The following NPL variants were observed in gnomAD, a reference collection of about 807,000 sequenced individuals.
NPL encodes the protein N-acetylneuraminate lyase.
NPL carries 32 observed loss-of-function variants against 41.1 expected under a neutral mutation model. That is an observed-to-expected ratio of 0.78 (90% CI 0.59 to 1.05). The LOEUF (loss-of-function observed/expected upper bound fraction) is 1.05. Among genes scored for constraint, NPL ranks in the 50% least tolerant of loss-of-function variants. The probability of loss-of-function intolerance (pLI) is 0.00; values close to 1 mark genes in which losing one functional copy is unlikely to be tolerated. For missense variants in NPL, 321 were observed against 378.4 expected, an observed-to-expected ratio of 0.85 and a Z score of 1.26; for synonymous variants, 128 against 134.9, an observed-to-expected ratio of 0.95 and a Z score of 0.35.
intron 3 of NPL, among the ~76,000 whole-genome samples, chr1:182,796,770 C>T (rs1666680856): frequency 6.6e-6 from 1 of 152,156 alleles, no homozygotes; most frequent in South Asian, 2.1e-4. Context: ...GGCACGGTGG[C>T]TCATGCCTGT....
At chr1:182,816,252 G>A (rs116069066) in intron 7 of NPL, among the ~76,000 whole-genome samples, 3,372 of 152,302 alleles carry the variant, frequency 0.022, 56 homozygotes, top group Middle Eastern at 0.088. Context: ...CTTGCAAAAT[G>A]TGCCACTACT....
At chr1:182,818,929 T>C in intron 10 of NPL, 70 bp downstream of exon 10, 5 of 1,280,600 alleles carry the variant, frequency 3.9e-6, no homozygotes, top group Non-Finnish European at 5.7e-6. Flanking sequence ...AAAGTAGCTG[T>C]ATTTCTTGCA....
rs561202793 is a variant in NPL at position 182,805,793 on chromosome 1, G to A, written c.143-352G>A. Among the ~76,000 whole-genome samples the A allele has an allele frequency of 2.6e-5, 4 of 152,182 alleles. No homozygotes were observed. In the East Asian group the frequency reaches 7.7e-4, roughly 29 times the overall value. ...TAACTCCCACTTATTTGACATCCTGGTACTAGATAGTGTTGATTTCCCTGC... is the reference window on the plus strand; with the variant it reads ...TAACTCCCACTTATTTGACATCCTGATACTAGATAGTGTTGATTTCCCTGC... On this transcript the variant is annotated intron_variant, in intron 4 of 12. Transcript: ENST00000367553.
intron 3 of NPL, among the ~76,000 whole-genome samples, chr1:182,803,367 A>G (rs1270287686): frequency 6.6e-6 from 1 of 152,240 alleles, no homozygotes; most frequent in East Asian, 1.9e-4. Flanking sequence ...ATGTGTGGCC[A>G]TATGGACTTT....
rs1667682892 is a variant in NPL, at chr1:182,828,301, C to T, written c.779-423C>T. Among the ~76,000 whole-genome samples the T allele has an allele frequency of 6.6e-6, 1 of 152,194 alleles. No individual in the cohort carries two copies. Among genetic ancestry groups the T allele is most frequent in the Non-Finnish European group, 1.5e-5 (1 of 68,046 alleles). Reference sequence around the variant, plus strand: ...TAAGTACTGCATTTCTTAGGGACTTCCTAAATAAGCTTAAACTAAATTTCA... The same window carrying T: ...TAAGTACTGCATTTCTTAGGGACTTTCTAAATAAGCTTAAACTAAATTTCA... On this transcript the variant is annotated intron_variant, in intron 12 of 12. Transcript: ENST00000367553. This position sits in a 1 kb window ranked among gnomAD's most constrained non-coding sequence, Gnocchi z 4.0.
intron 3 of NPL, among the ~76,000 whole-genome samples, chr1:182,799,247 C>T (rs552820902): frequency 3.3e-5 from 5 of 152,166 alleles, no homozygotes; most frequent in African/African-American, 1.2e-4. Context: ...GACTTTCTTC[C>T]GCTTATGTAG....
Position 182,816,778 on chromosome 1 carries a change from T to C in NPL, c.429T>C (p.Tyr143=). ...CCCCTGCCCTGCCATTTTATTACTA[T>C]CACATTCCTGCCTTGACAGGGGTAA... The part of the protein sequence containing the change: ...AAAPALPFYY[Y]HIPALTGVKI... Residue 143 remains tyrosine, a synonymous_variant, in exon 8 of 13, where the codon TAT becomes TAC. Coordinates refer to ENST00000367553, the MANE Select transcript of NPL (RefSeq NM_030769.3). 1 of 1,613,684 alleles carries C rather than the reference T, an allele frequency of 6.2e-7. No individual in the cohort carries two copies. The highest frequency in any genetic ancestry group is 8.5e-7 in the Non-Finnish European group (1 of 1,179,718).
chr1:182,818,546 G>C lies in NPL; in HGVS notation c.463G>C (p.Ala155Pro). The change falls in exon 9 of 13, where the codon GCT becomes CCT. Residue 155 changes from alanine (A) to proline (P), a missense_variant. Coordinates refer to ENST00000367553, the MANE Select transcript of NPL (RefSeq NM_030769.3). ...GCACTTATTATTTTGAGCAGTTCGT[G>C]CTGAGGAGTTGTTGGATGGGATTCT... The part of the protein sequence containing the change: ...IPALTGVKIR[A>P]EELLDGILDK... 1 of 1,614,082 alleles carries C rather than the reference G, an allele frequency of 6.2e-7. No individual in the cohort carries two copies. The highest frequency in any genetic ancestry group is 8.5e-7 in the Non-Finnish European group (1 of 1,180,036).
chr1:182,818,883 G>A, intron 10 of NPL, 24 bp downstream of exon 10: 1 of 1,611,526 alleles, frequency 6.2e-7, no homozygotes, highest in Non-Finnish European at 8.5e-7. Context: ...ATTTTTCCCA[G>A]TGGTTATAAA....
At chr1:182,819,056 C>T (rs1443374169) in intron 10 of NPL, among the ~76,000 whole-genome samples, 197 bp downstream of exon 10, 4 of 151,976 alleles carry the variant, frequency 2.6e-5, no homozygotes, top group Non-Finnish European at 4.4e-5. Context: ...CATGGTGGCT[C>T]AGCCTGTAAT....
At chr1:182,798,233 C>CT (rs58974453) in intron 3 of NPL, among the ~76,000 whole-genome samples, 8,787 of 129,982 alleles carry the variant, frequency 0.068, 641 homozygotes, top group African/African-American at 0.18. Flanking sequence ...GAAAGACTTG[C>CT]TTTTTTTTTT....
At chr1:182,807,458 T>G (rs192439452) in intron 5 of NPL, among the ~76,000 whole-genome samples, 2 of 152,168 alleles carry the variant, frequency 1.3e-5, no homozygotes, top group Admixed American at 6.5e-5. Flanking sequence ...CAAATTTGAG[T>G]GCATATCCAC....
chr1:182,820,757 G>A (rs1667467127), intron 10 of NPL, among the ~76,000 whole-genome samples: 1 of 152,154 alleles, frequency 6.6e-6, no homozygotes, highest in South Asian at 2.1e-4. Flanking sequence ...GCACAAAGGA[G>A]GATGTGTTAA....
intron 12 of NPL, chr1:182,826,364 A>G (rs1228677713): frequency 6.4e-6 from 1 of 156,484 alleles, no homozygotes; most frequent in Admixed American, 6.2e-5. Flanking sequence ...TAAATCTTCT[A>G]TAACAAATGA....
chr1:182,807,359 G>A (rs1349975999), intron 5 of NPL, among the ~76,000 whole-genome samples: 2 of 152,172 alleles, frequency 1.3e-5, no homozygotes, highest in African/African-American at 4.8e-5. Context: ...TAAGTTCCAA[G>A]TGAGCAGAGG....
chr1:182,818,390 G>C, intron 8 of NPL, 151 bp from the exon 9 acceptor site: 1 of 882,608 alleles, frequency 1.1e-6, no homozygotes, highest in South Asian at 1.4e-5. Context: ...GCACATAGGA[G>C]CTGCTAGTCA....
intron 6 of NPL, among the ~76,000 whole-genome samples, chr1:182,813,649 A>G (rs1667242445): frequency 6.6e-6 from 1 of 152,200 alleles, no homozygotes; most frequent in African/African-American, 2.4e-5. Flanking sequence ...AATAGTATAG[A>G]GGTAATCTTG....
Position 182,814,858 on chromosome 1 carries a change from G to C in NPL, c.364G>C (p.Asp122His), listed in dbSNP as rs1667277857. Reference protein sequence around the residue: ...APFFLKPWTKDILINFLKEVA... With the variant: ...APFFLKPWTKHILINFLKEVA... Reference sequence around the variant, plus strand: ...GTTCTTCCTCAAGCCATGGACCAAAGGTAAGTAGATAGGTCTGAATGCATG... The same window carrying C: ...GTTCTTCCTCAAGCCATGGACCAAACGTAAGTAGATAGGTCTGAATGCATG... The change falls in exon 7 of 13, where the codon GAT (aspartate) becomes CAT (histidine). Residue 122 changes from aspartate to histidine, a missense_variant and splice_region_variant. Asp to His is a moderately conservative substitution (Grantham distance 81). Coordinates refer to ENST00000367553, the MANE Select transcript of NPL (RefSeq NM_030769.3). 1 of 1,613,030 alleles carries C rather than the reference G, an allele frequency of 6.2e-7. No homozygotes were observed. Among genetic ancestry groups the C allele is most frequent in the East Asian group, 2.2e-5 (1 of 44,872 alleles).
intron 3 of NPL, among the ~76,000 whole-genome samples, chr1:182,802,856 G>A (rs748333160): frequency 4.6e-5 from 7 of 152,140 alleles, no homozygotes; most frequent in Admixed American, 3.9e-4. Context: ...CAGATCACAC[G>A]GCGATCTTGT....
Sources: gnomAD v4.1 joint callset for allele counts (sites outside exome capture counted in the v4.1 genomes callset) on GRCh38, gnomAD v4.1.1 for gene constraint, Gnocchi (gnomAD v3.1) non-coding constraint, MANE v1.5 for transcripts, NCBI Gene and HGNC (gene_info 2026-07-23, HGNC 2026-07-21) for gene names.